The following CSMD1 variants were observed in gnomAD, a reference collection of about 807,000 sequenced individuals.
The protein encoded by CSMD1 is CUB and sushi domain-containing protein 1.
Under a neutral mutation model 417.5 loss-of-function variants are expected in CSMD1, and 213 were observed. That is an observed-to-expected ratio of 0.51 (90% CI 0.46 to 0.57). CSMD1 has a LOEUF of 0.57. Among genes scored for constraint, CSMD1 ranks in the 20% least tolerant of loss-of-function variants. The pLI, the probability that CSMD1 is intolerant of heterozygous loss-of-function variation, is 0.00. For synonymous variants in CSMD1, 2,862 were observed against 1,736.8 expected (o/e 1.65, Z -16.11); for missense variants, 6,923 against 4,529.7 (o/e 1.53, Z -15.17).
At chr8:3,990,507 G>C (rs916382911) in intron 5 of CSMD1, among the ~76,000 whole-genome samples, 13 of 152,110 alleles carry the variant, frequency 8.5e-5, no homozygotes, top group African/African-American at 2.9e-4. Context: ...CAATTTTATG[G>C]AATCTTAGGG....
intron 2 of CSMD1, among the ~76,000 whole-genome samples, chr8:4,533,982 G>T (rs776813541): frequency 2.2e-4 from 33 of 150,478 alleles, no homozygotes; most frequent in Non-Finnish European, 4.3e-4. Flanking sequence ...CTACAAGAGG[G>T]CAGATTTGTC....
intron 1 of CSMD1, among the ~76,000 whole-genome samples, chr8:4,669,574 G>T (rs1468608826): frequency 6.6e-6 from 1 of 152,130 alleles, no homozygotes; most frequent in African/African-American, 2.4e-5. Flanking sequence ...CATCTCCAGA[G>T]AAGCACTCTG....
chr8:4,930,237 T>C (rs79040612), intron 1 of CSMD1, among the ~76,000 whole-genome samples: 345 of 152,312 alleles, frequency 2.3e-3, no homozygotes, highest in Non-Finnish European at 3.9e-3. Context: ...ATTAGGCATC[T>C]CGTGCTAACT....
intron 2 of CSMD1, among the ~76,000 whole-genome samples, chr8:4,455,963 A>AAAAAAAAAG (rs1799448292): frequency 7.5e-6 from 1 of 133,756 alleles, no homozygotes; most frequent in African/African-American, 2.8e-5. Flanking sequence ...AAAAAAAAAA[A>AAAAAAAAAG]TGCAGTTAAG....
chr8:3,906,844 G>C (rs2688285), intron 5 of CSMD1, among the ~76,000 whole-genome samples: 137,505 of 151,896 alleles, frequency 0.91, 62,390 homozygotes, highest in East Asian at 0.97. Context: ...GGACAGCATT[G>C]TCATTTTGTA....
At chr8:4,903,265 C>T (rs1433338677) in intron 1 of CSMD1, among the ~76,000 whole-genome samples, 3 of 152,114 alleles carry the variant, frequency 2.0e-5, no homozygotes, top group East Asian at 1.9e-4. Flanking sequence ...ATCTTCATTC[C>T]CTGGAGTGAA....
chr8:3,686,364 G>C (rs1274766817), intron 7 of CSMD1, among the ~76,000 whole-genome samples: 1 of 152,138 alleles, frequency 6.6e-6, no homozygotes, highest in Non-Finnish European at 1.5e-5. Context: ...ACTTTTCTAG[G>C]ATAGGGAGGT....
chr8:3,658,869 G>T (rs946834046), intron 7 of CSMD1, among the ~76,000 whole-genome samples: 8 of 152,148 alleles, frequency 5.3e-5, no homozygotes, highest in Non-Finnish European at 8.8e-5. Flanking sequence ...AATTCCAGGG[G>T]ATGTTTCGAA....
intron 5 of CSMD1, among the ~76,000 whole-genome samples, chr8:3,757,681 G>A (rs906080479): frequency 2.6e-5 from 4 of 151,962 alleles, no homozygotes; most frequent in Admixed American, 6.6e-5. Flanking sequence ...TGGCCAACAT[G>A]GTGAAACCCT....
chr8:4,062,815 T>C (rs1799047933), intron 3 of CSMD1, among the ~76,000 whole-genome samples: 2 of 151,974 alleles, frequency 1.3e-5, no homozygotes, highest in African/African-American at 2.4e-5. Flanking sequence ...CACGGATGTC[T>C]GACTTTAGGT....
At chr8:4,106,262 T>C (rs1801563023) in intron 3 of CSMD1, among the ~76,000 whole-genome samples, 1 of 152,180 alleles carries the variant, frequency 6.6e-6, no homozygotes, top group Non-Finnish European at 1.5e-5. Flanking sequence ...TAAACACAAG[T>C]ATTAATGTAT....
intron 1 of CSMD1, among the ~76,000 whole-genome samples, chr8:4,663,725 A>T (rs1302265123): frequency 6.6e-6 from 1 of 152,172 alleles, no homozygotes; most frequent in Non-Finnish European, 1.5e-5. Context: ...TCCCTCTTTT[A>T]AATAAATTGC....
chr8:4,321,793 A>C (rs1045323122), intron 3 of CSMD1, among the ~76,000 whole-genome samples: 1 of 152,142 alleles, frequency 6.6e-6, no homozygotes, highest in Non-Finnish European at 1.5e-5. Context: ...TTTTTTTCTA[A>C]ATTTACAAAG....
chr8:4,957,293 G>T (rs757756821), intron 1 of CSMD1, among the ~76,000 whole-genome samples: 4 of 152,160 alleles, frequency 2.6e-5, no homozygotes, highest in Non-Finnish European at 5.9e-5. Flanking sequence ...CACACAAAGG[G>T]CAAAGCCCCT....
chr8:3,634,022 G>A (rs905237632), intron 7 of CSMD1, among the ~76,000 whole-genome samples: 1 of 146,606 alleles, frequency 6.8e-6, no homozygotes, highest in Non-Finnish European at 1.5e-5. Context: ...TTTTATCTGG[G>A]ATTACTGTCA....
At chr8:4,774,155 G>A (rs762376255) in intron 1 of CSMD1, among the ~76,000 whole-genome samples, 7 of 152,312 alleles carry the variant, frequency 4.6e-5, no homozygotes, top group Admixed American at 1.3e-4. Flanking sequence ...AGCCAATATC[G>A]TGCCACTGCC....
chr8:3,144,693 C>T (rs1176752937), intron 40 of CSMD1, among the ~76,000 whole-genome samples: 1 of 151,514 alleles, frequency 6.6e-6, no homozygotes, highest in African/African-American at 2.4e-5. Flanking sequence ...TGAACAACCA[C>T]CAGTGAGCTA....
intron 38 of CSMD1, 64 bp downstream of exon 38, chr8:3,162,095 T>C: frequency 1.9e-6 from 2 of 1,079,804 alleles, no homozygotes; most frequent in Non-Finnish European, 2.8e-6. Flanking sequence ...GGGCTTTGGC[T>C]TTAAGAGAGC....
intron 18 of CSMD1, among the ~76,000 whole-genome samples, chr8:3,375,561 T>TA (rs1472109525): frequency 6.6e-6 from 1 of 152,108 alleles, no homozygotes; most frequent in Non-Finnish European, 1.5e-5. Context: ...ATTATATATA[T>TA]TTTTATGAAT....
Sources: gnomAD v4.1 joint callset for allele counts (sites outside exome capture counted in the v4.1 genomes callset) on GRCh38, gnomAD v4.1.1 for gene constraint, MANE v1.5 for transcripts, NCBI Gene and HGNC (gene_info 2026-07-23, HGNC 2026-07-21) for gene names.